The following VMP1 variants were observed in gnomAD, a reference collection of about 807,000 sequenced individuals.
VMP1 encodes the protein vacuole membrane protein 1.
A neutral mutation model predicts 56.0 loss-of-function variants in VMP1; 11 were observed. That is an observed-to-expected ratio of 0.20 (90% CI 0.12 to 0.32). The LOEUF (loss-of-function observed/expected upper bound fraction) is 0.32. VMP1 is among the 10% of genes least tolerant of loss of function. The pLI is 1.00. For missense variants in VMP1, 296 were observed against 490.3 expected, an observed-to-expected ratio of 0.60 and a Z score of 3.74; for synonymous variants, 149 against 165.0, an observed-to-expected ratio of 0.90 and a Z score of 0.74.
chr17:59,737,439 T>C lies in VMP1; in HGVS notation c.213-14T>C, dbSNP rs759988312. On this transcript the variant is annotated splice_polypyrimidine_tract_variant and intron_variant, in intron 3 of 11. Coordinates refer to ENST00000262291, the MANE Select transcript of VMP1 (RefSeq NM_030938.5). ...GAGACTGTGAGATATTTATTTTTTT[T>C]ATTTGTTTTTAAGATTATGGCATCG... 2.9e-5 allele frequency: 46 copies of C among 1,599,606 alleles called. No homozygotes were observed. The highest frequency in any genetic ancestry group is 2.5e-4 in the Admixed American group (14 of 56,636).
intron 6 of VMP1, among the ~76,000 whole-genome samples, chr17:59,769,200 G>C (rs1431493189): frequency 6.6e-6 from 1 of 150,870 alleles, no homozygotes; most frequent in Non-Finnish European, 1.5e-5. Context: ...TTGTTGCCCA[G>C]GGTGGAGTGC....
At chr17:59,743,312 T>C (rs2035297738) in intron 5 of VMP1, among the ~76,000 whole-genome samples, 1 of 152,176 alleles carries the variant, frequency 6.6e-6, no homozygotes, top group African/African-American at 2.4e-5. Context: ...ACTGTTTCTA[T>C]AGTTTTGCCT....
At chr17:59,732,603 T>A (rs1201423453) in intron 2 of VMP1, among the ~76,000 whole-genome samples, 1 of 152,210 alleles carries the variant, frequency 6.6e-6, no homozygotes, top group Non-Finnish European at 1.5e-5. Flanking sequence ...CTGATCTGAC[T>A]TTTGGGTTAC....
intron 10 of VMP1, among the ~76,000 whole-genome samples, chr17:59,827,566 C>A (rs1233215255): frequency 2.6e-5 from 4 of 152,016 alleles, no homozygotes; most frequent in Non-Finnish European, 5.9e-5. Context: ...GCCTCGGCCT[C>A]CCAAAGTGCT....
chr17:59,715,363 T>A (rs536732824), intron 1 of VMP1, among the ~76,000 whole-genome samples: 79 of 152,206 alleles, frequency 5.2e-4, no homozygotes, highest in African/African-American at 1.8e-3. Flanking sequence ...ATCATGGTGG[T>A]AGGGGAAACA....
intron 5 of VMP1, among the ~76,000 whole-genome samples, chr17:59,744,449 C>T (rs888123565): frequency 6.5e-4 from 75 of 115,350 alleles, no homozygotes; most frequent in African/African-American, 2.4e-3. Flanking sequence ...GCAACAAGAG[C>T]GAAATTCCAT....
At chr17:59,792,752 G>C (rs2037281141) in intron 7 of VMP1, among the ~76,000 whole-genome samples, 1 of 151,526 alleles carries the variant, frequency 6.6e-6, no homozygotes, top group African/African-American at 2.4e-5. Context: ...AGGAGGCTGA[G>C]GCAGGAGAAT....
At chr17:59,808,906 T>C (rs2144213292) in intron 8 of VMP1, 30 bp downstream of exon 8, 1 of 1,577,404 alleles carries the variant, frequency 6.3e-7, no homozygotes, top group Non-Finnish European at 8.7e-7. Flanking sequence ...ACAGAACTTT[T>C]ACTAAGTGGT....
chr17:59,708,090 GGTCT>G (rs2033753936), intron 1 of VMP1: 2 of 152,236 alleles, frequency 1.3e-5, no homozygotes, highest in Admixed American at 1.3e-4. Flanking sequence ...AAGTGGAGAA[GGTCT>G]TCCCTGCTGA....
intron 6 of VMP1, among the ~76,000 whole-genome samples, chr17:59,769,335 G>C (rs1300663179): frequency 6.6e-6 from 1 of 151,402 alleles, no homozygotes; most frequent in Non-Finnish European, 1.5e-5. Context: ...TGTATTTTTA[G>C]TAGAGACAGG....
chr17:59,730,644 C>A (rs2034788564), intron 1 of VMP1, among the ~76,000 whole-genome samples: 1 of 152,194 alleles, frequency 6.6e-6, no homozygotes, highest in Admixed American at 6.5e-5. Context: ...AAGGACTCAG[C>A]ATTTTAGCCT....
At chr17:59,836,113 T>C (rs1269629334) in intron 10 of VMP1, among the ~76,000 whole-genome samples, 1 of 151,368 alleles carries the variant, frequency 6.6e-6, no homozygotes, top group East Asian at 1.9e-4. Flanking sequence ...CTGTCACAGG[T>C]CTTCTAGTCT....
In VMP1 at chr17:59,773,868, C is replaced by T. The variant is rs745525243; in HGVS notation, c.697C>T (p.His233Tyr). 1 of 1,612,138 alleles carries T rather than the reference C, an allele frequency of 6.2e-7. No individual in the cohort carries two copies. ...EYQEFEEMLE[H>Y]AESAQDFASR... is the part of the protein sequence containing the mutation. ...TCAGGAATTTGAAGAGATGCTGGAA[C>T]ATGCAGAGTCTGCACAAGTAAGAAC... Residue 233 changes from histidine to tyrosine, a missense_variant, in exon 7 of 12, where the codon CAT (histidine) becomes TAT (tyrosine). Around this residue, in one of 4 missense-constraint regions of VMP1, gnomAD observed 126 missense variants for 231.6 expected, o/e 0.54. Coordinates refer to ENST00000262291, the MANE Select transcript of VMP1 (RefSeq NM_030938.5).
At chr17:59,797,356 AG>A (rs377009410) in intron 7 of VMP1, among the ~76,000 whole-genome samples, 1 of 151,624 alleles carries the variant, frequency 6.6e-6, no homozygotes, top group Non-Finnish European at 1.5e-5. Flanking sequence ...AAAAAAAAAA[AG>A]AAAAAGAAAA....
chr17:59,780,040 A>T (rs528054166), intron 7 of VMP1, among the ~76,000 whole-genome samples: 3 of 152,122 alleles, frequency 2.0e-5, no homozygotes, highest in South Asian at 4.1e-4. Flanking sequence ...TTCATCTCTT[A>T]TGTCCCTGAT....
intron 4 of VMP1, among the ~76,000 whole-genome samples, chr17:59,738,159 A>G (rs2035086472): frequency 6.6e-6 from 1 of 152,120 alleles, no homozygotes; most frequent in Non-Finnish European, 1.5e-5. Flanking sequence ...TCTCTAACAT[A>G]CTTTTGTGAC....
chr17:59,751,609 G>GA (rs958470633), intron 5 of VMP1, among the ~76,000 whole-genome samples: 2 of 148,756 alleles, frequency 1.3e-5, no homozygotes, highest in Admixed American at 6.7e-5. Flanking sequence ...GGGCGTGGTG[G>GA]GGGGGGCGCC....
chr17:59,748,964 C>A (rs777155733), intron 5 of VMP1, among the ~76,000 whole-genome samples: 19 of 149,052 alleles, frequency 1.3e-4, no homozygotes, highest in Non-Finnish European at 2.1e-4. Context: ...TGCCTGTGAT[C>A]CCAGCACTGG....
intron 10 of VMP1, among the ~76,000 whole-genome samples, chr17:59,832,761 A>ATTTTT (rs71145580): frequency 8.9e-5 from 9 of 101,304 alleles, no homozygotes; most frequent in Non-Finnish European, 9.4e-5. Flanking sequence ...GCCTGGCAAT[A>ATTTTT]TTTTTTTTTT....
Sources: gnomAD v4.1 joint callset for allele counts (sites outside exome capture counted in the v4.1 genomes callset) on GRCh38, gnomAD v4.1.1 for gene constraint, gnomAD v4.1.1 regional missense constraint, MANE v1.5 for transcripts, NCBI Gene and HGNC (gene_info 2026-07-23, HGNC 2026-07-21) for gene names.